Variants in KIAA1328 observed in about 807,000 individuals in gnomAD.
The protein encoded by KIAA1328 is KIAA1328.
Under a neutral mutation model 68.1 loss-of-function variants are expected in KIAA1328, and 52 were observed. That is an observed-to-expected ratio of 0.76 (90% CI 0.61 to 0.96). The LOEUF (loss-of-function observed/expected upper bound fraction) is 0.96, where lower values mean the gene tolerates loss of function less well. KIAA1328 is among the 40% of genes least tolerant of loss of function. The probability of loss-of-function intolerance (pLI) is 0.00; values close to 1 mark genes in which losing one functional copy is unlikely to be tolerated. For missense variants in KIAA1328, 641 were observed against 677.6 expected, an observed-to-expected ratio of 0.95 and a Z score of 0.60; for synonymous variants, 232 against 239.4, an observed-to-expected ratio of 0.97 and a Z score of 0.28.
chr18:36,923,925 G>A (rs1261096140), intron 5 of KIAA1328: 1 of 152,206 alleles, frequency 6.6e-6, no homozygotes, highest in African/African-American at 2.4e-5. Flanking sequence ...TGATGAGAGT[G>A]TAGGTTGCAA....
At chr18:37,097,982 G>A (rs573632068) in intron 7 of KIAA1328, among the ~76,000 whole-genome samples, 25 of 152,200 alleles carry the variant, frequency 1.6e-4, no homozygotes, top group Non-Finnish European at 2.1e-4. Context: ...GGCTGAGACA[G>A]TGGGGTTTTC....
intron 9 of KIAA1328, among the ~76,000 whole-genome samples, chr18:37,221,264 G>C (rs2060557584): frequency 1.3e-5 from 2 of 152,206 alleles, no homozygotes; most frequent in African/African-American, 4.8e-5. Context: ...AAAAGTGGAA[G>C]GGGGTTAACA....
chr18:36,995,731 T>C (rs981714073), intron 6 of KIAA1328, among the ~76,000 whole-genome samples: 5 of 152,244 alleles, frequency 3.3e-5, no homozygotes, highest in African/African-American at 1.2e-4. Flanking sequence ...CTATTTCTTG[T>C]ACTTTGTCAG....
chr18:37,112,935 G>A (rs892228948), intron 7 of KIAA1328, among the ~76,000 whole-genome samples: 1 of 152,152 alleles, frequency 6.6e-6, no homozygotes, highest in Admixed American at 6.6e-5. Context: ...TGAATGAAAT[G>A]AAGTGAGAAG....
rs577682641 is a variant in KIAA1328 at position 37,098,111 on chromosome 18, T to C, written c.1232+30566T>C. ...TCTGGCCAGAACTTCCAATACTATG[T>C]TGAATAGGAGTGGTGAGAGAGGGCA... On this transcript the variant is annotated intron_variant, in intron 7 of 9. Transcript: ENST00000280020. Among the ~76,000 whole-genome samples, 8 of 152,322 alleles carry C rather than the reference T, an allele frequency of 5.3e-5. No individual in the cohort carries two copies. The South Asian group carries it at 1.4e-3, about 28-fold the overall frequency.
intron 6 of KIAA1328, among the ~76,000 whole-genome samples, chr18:37,011,638 C>G (rs72890516): frequency 0.14 from 20,750 of 152,162 alleles, 1,768 homozygotes; most frequent in Admixed American, 0.18. Flanking sequence ...TGATCCTACA[C>G]AGCAATAAAG....
intron 7 of KIAA1328, among the ~76,000 whole-genome samples, chr18:37,071,085 G>A (rs1395449465): frequency 4.2e-5 from 1 of 23,958 alleles, no homozygotes; most frequent in African/African-American, 1.3e-4. Context: ...TTTTTTTTTT[G>A]GTTTGACAGG....
chr18:37,033,117 T>C (rs772693873), intron 6 of KIAA1328, among the ~76,000 whole-genome samples: 1 of 152,358 alleles, frequency 6.6e-6, no homozygotes, highest in South Asian at 2.1e-4. Flanking sequence ...TTTCACCTAT[T>C]AAATACCATT....
At chr18:36,924,187 A>G (rs977694391) in intron 5 of KIAA1328, among the ~76,000 whole-genome samples, 2 of 152,122 alleles carry the variant, frequency 1.3e-5, no homozygotes, top group African/African-American at 4.8e-5. Flanking sequence ...GATTTTGAGT[A>G]TAATATTTTG....
chr18:36,916,438 A>G (rs920100888), intron 5 of KIAA1328, among the ~76,000 whole-genome samples: 5 of 151,984 alleles, frequency 3.3e-5, no homozygotes, highest in African/African-American at 1.2e-4. Context: ...TGTTATTTTT[A>G]TAGTTTTTCT....
intron 8 of KIAA1328, among the ~76,000 whole-genome samples, 164 bp downstream of exon 8, chr18:37,160,545 A>G (rs1189513746): frequency 1.3e-5 from 2 of 152,190 alleles, no homozygotes; most frequent in African/African-American, 4.8e-5. Flanking sequence ...AGATTAGTGA[A>G]TTGTGTCTGT....
At chr18:36,869,757 T>C (rs1340717582) in intron 4 of KIAA1328, among the ~76,000 whole-genome samples, 5 of 152,170 alleles carry the variant, frequency 3.3e-5, no homozygotes, top group African/African-American at 9.7e-5. Context: ...ACCAGAAATA[T>C]ATATATGGCA....
intron 9 of KIAA1328, among the ~76,000 whole-genome samples, chr18:37,187,625 A>G (rs2059828811): frequency 6.6e-6 from 1 of 152,216 alleles, no homozygotes; most frequent in Non-Finnish European, 1.5e-5. Context: ...AAGATAAGAT[A>G]AAAGCCTTCC....
In KIAA1328 at chr18:36,979,933, A is replaced by T. The variant is rs140662833; in HGVS notation, c.576+20498A>T. Among the ~76,000 whole-genome samples the T allele has an allele frequency of 2.3e-3, 355 of 152,236 alleles. 1 individual carries two copies. Among genetic ancestry groups the T allele is most frequent in the African/African-American group, 8.0e-3 (334 of 41,538 alleles). On this transcript the variant is annotated intron_variant, in intron 6 of 9. Coordinates refer to ENST00000280020, the MANE Select transcript of KIAA1328 (RefSeq NM_020776.3). ...TTATTGAGAGGTGGAGCTTAATGGG[A>T]GGTATTATATTTAGGTCATGAGGGT... is the stretch of plus-strand genomic sequence containing the variant.
At chr18:37,152,780 G>GTA (rs1491492516) in intron 7 of KIAA1328, among the ~76,000 whole-genome samples, 1 of 152,144 alleles carries the variant, frequency 6.6e-6, no homozygotes, top group Non-Finnish European at 1.5e-5. Context: ...CAGTTAGAGA[G>GTA]GGTAAGAGAG....
In KIAA1328 at chr18:36,920,412, C is replaced by CT. The variant is rs534314067; in HGVS notation, c.448+34749dup. Among the ~76,000 whole-genome samples the CT allele has an allele frequency of 1.6e-3, 248 of 151,376 alleles. 1 individual carries two copies. In the Middle Eastern group the frequency reaches 0.021, roughly 13 times the overall value. On this transcript the variant is annotated intron_variant, in intron 5 of 9. Coordinates refer to ENST00000280020, the MANE Select transcript of KIAA1328 (RefSeq NM_020776.3). ...TATCCAGTTCCATTGGTCTATGTGTCTTTTTTTTTGTGCCAGTACTGTGCC... is the reference window on the plus strand; with the variant it reads ...TATCCAGTTCCATTGGTCTATGTGTCTTTTTTTTTTGTGCCAGTACTGTGCC...
At chr18:36,930,307 A>G (rs1037121240) in intron 5 of KIAA1328, among the ~76,000 whole-genome samples, 1 of 152,042 alleles carries the variant, frequency 6.6e-6, no homozygotes, top group Non-Finnish European at 1.5e-5. Flanking sequence ...ATGGCATATC[A>G]TCCTTTGGAA....
At chr18:37,096,322 G>T (rs1274039730) in intron 7 of KIAA1328, among the ~76,000 whole-genome samples, 1 of 152,120 alleles carries the variant, frequency 6.6e-6, no homozygotes, top group Non-Finnish European at 1.5e-5. Flanking sequence ...GTGAGAACAT[G>T]CAGTGTTTGG....
At chr18:37,088,754 G>A (rs2057180093) in intron 7 of KIAA1328, among the ~76,000 whole-genome samples, 1 of 151,796 alleles carries the variant, frequency 6.6e-6, no homozygotes, top group South Asian at 2.1e-4. Context: ...TTATTCATGA[G>A]TATGTATTTT....
Sources: allele counts gnomAD v4.1 joint callset (sites outside exome capture counted in the v4.1 genomes callset), GRCh38; gene constraint gnomAD v4.1.1; transcripts MANE v1.5; gene names NCBI Gene and HGNC (gene_info 2026-07-23, HGNC 2026-07-21).